The following ROBO1 variants were observed in gnomAD, a reference collection of about 807,000 sequenced individuals.
The protein encoded by ROBO1 is roundabout guidance receptor 1.
ROBO1 carries 149 observed loss-of-function variants against 195.9 expected under a neutral mutation model. The ratio of observed to expected loss-of-function variants is 0.76; its 90% CI spans 0.67 to 0.87. The LOEUF (loss-of-function observed/expected upper bound fraction) is 0.87. Ranked by LOEUF, ROBO1 falls within the 40% of genes least tolerant of loss-of-function variation. The probability of loss-of-function intolerance (pLI) is 0.00; values close to 1 mark genes in which losing one functional copy is unlikely to be tolerated. For synonymous variants in ROBO1, 816 were observed against 733.2 expected (o/e 1.11, Z -1.82); for missense variants, 1,933 against 2,068.3 (o/e 0.93, Z 1.27).
At chr3:78,917,521 T>C (rs2038683963) in intron 4 of ROBO1, among the ~76,000 whole-genome samples, 2 of 152,218 alleles carry the variant, frequency 1.3e-5, no homozygotes, top group Admixed American at 1.3e-4. Context: ...TAAATGTAAT[T>C]TGTTGAACAT....
chr3:79,505,370 A>C (rs985694670), intron 2 of ROBO1, among the ~76,000 whole-genome samples: 1 of 152,176 alleles, frequency 6.6e-6, no homozygotes, highest in Non-Finnish European at 1.5e-5. Context: ...TAAATTGCCA[A>C]ATTGCGACAA....
chr3:78,678,360 C>T (rs974480374), intron 10 of ROBO1, among the ~76,000 whole-genome samples: 22 of 151,886 alleles, frequency 1.4e-4, no homozygotes, highest in African/African-American at 4.8e-4. Context: ...CACAAAAAAC[C>T]CTTCAAAAAA....
At chr3:78,852,386 AGT>A (rs769802283) in intron 4 of ROBO1, among the ~76,000 whole-genome samples, 3 of 152,302 alleles carry the variant, frequency 2.0e-5, no homozygotes, top group Admixed American at 1.3e-4. Flanking sequence ...TCTGTAGTGT[AGT>A]GTGTTATAAC....
chr3:79,299,801 G>A (rs1256852512), intron 2 of ROBO1, among the ~76,000 whole-genome samples: 1 of 149,332 alleles, frequency 6.7e-6, no homozygotes. Flanking sequence ...AATTAACCAA[G>A]GAATGAAAAT....
intron 1 of ROBO1, among the ~76,000 whole-genome samples, chr3:79,689,409 T>A (rs1207987661): frequency 6.6e-6 from 1 of 152,024 alleles, no homozygotes; most frequent in African/African-American, 2.4e-5. Context: ...ATTGGGTATA[T>A]CTTTATTCCT....
intron 5 of ROBO1, among the ~76,000 whole-genome samples, chr3:78,732,511 C>T (rs756907532): frequency 7.2e-5 from 11 of 152,106 alleles, no homozygotes; most frequent in Non-Finnish European, 7.4e-5. Context: ...AAGAAGAATG[C>T]CTCTTCTCTT....
intron 3 of ROBO1, among the ~76,000 whole-genome samples, chr3:79,049,904 A>G (rs985831216): frequency 5.9e-5 from 9 of 152,294 alleles, no homozygotes; most frequent in African/African-American, 1.9e-4. Context: ...AACACTAAAC[A>G]TGAAAAGGAA....
chr3:79,377,896 A>G (rs2109359252), intron 2 of ROBO1, among the ~76,000 whole-genome samples: 1 of 152,310 alleles, frequency 6.6e-6, no homozygotes, highest in South Asian at 2.1e-4. Flanking sequence ...CAAATTGTAC[A>G]CAAAGGACTT....
intron 2 of ROBO1, among the ~76,000 whole-genome samples, chr3:79,478,072 C>T (rs771102603): frequency 6.6e-6 from 1 of 152,066 alleles, no homozygotes; most frequent in Non-Finnish European, 1.5e-5. Context: ...ACAGAGAATA[C>T]TTATAATAAC....
intron 18 of ROBO1, among the ~76,000 whole-genome samples, chr3:78,656,159 A>G (rs1348718452): frequency 6.6e-6 from 1 of 151,940 alleles, no homozygotes. Context: ...TTGAGGCACA[A>G]ATTGTGTTTA....
chr3:79,105,356 G>A (rs895849342), intron 3 of ROBO1, among the ~76,000 whole-genome samples: 2 of 151,590 alleles, frequency 1.3e-5, no homozygotes, highest in African/African-American at 4.8e-5. Context: ...TGCATTCAAA[G>A]GGAAACTGCA....
intron 4 of ROBO1, among the ~76,000 whole-genome samples, chr3:78,785,155 A>G (rs2083794126): frequency 6.6e-6 from 1 of 152,230 alleles, no homozygotes; most frequent in African/African-American, 2.4e-5. Context: ...AACGATATAA[A>G]GTCTAAGATT....
At chr3:78,832,706 G>A (rs550588416) in intron 4 of ROBO1, among the ~76,000 whole-genome samples, 2 of 152,242 alleles carry the variant, frequency 1.3e-5, no homozygotes, top group Non-Finnish European at 2.9e-5. Flanking sequence ...GATATCTAAC[G>A]AGGTTAGGCA....
intron 2 of ROBO1, among the ~76,000 whole-genome samples, chr3:79,579,547 C>T (rs949203585): frequency 1.1e-4 from 16 of 152,156 alleles, no homozygotes; most frequent in African/African-American, 3.4e-4. Flanking sequence ...GAGATTGGTC[C>T]GACTAATGTA....
At chr3:79,219,679 A>G (rs540818981) in intron 2 of ROBO1, among the ~76,000 whole-genome samples, 4 of 152,176 alleles carry the variant, frequency 2.6e-5, no homozygotes, top group African/African-American at 9.6e-5. Flanking sequence ...TAGTAATTGC[A>G]TGATGATCTG....
At chr3:78,775,485 A>G (rs895639944) in intron 4 of ROBO1, among the ~76,000 whole-genome samples, 13 of 152,236 alleles carry the variant, frequency 8.5e-5, no homozygotes, top group African/African-American at 3.1e-4. Flanking sequence ...AGCATGCACT[A>G]AAGGATTGCA....
rs529609131 is a variant in ROBO1, at chr3:79,385,891, T to C, written c.88+203933A>G. 7.9e-5 allele frequency among the ~76,000 whole-genome samples: 12 copies of C among 152,296 alleles called. No individual in the cohort carries two copies. The South Asian group carries it at 2.5e-3, about 32-fold the overall frequency. Reference sequence around the variant, plus strand: ...AAAAAGTCAACTTTTATACTGTAGATTTACAAAGAACAATCTAAATGCTCT... The same window carrying C: ...AAAAAGTCAACTTTTATACTGTAGACTTACAAAGAACAATCTAAATGCTCT... On this transcript the variant is annotated intron_variant, in intron 2 of 30. Transcript: ENST00000464233.
chr3:79,490,275 G>A (rs1236991814), intron 2 of ROBO1, among the ~76,000 whole-genome samples: 1 of 152,084 alleles, frequency 6.6e-6, no homozygotes, highest in African/African-American at 2.4e-5. Flanking sequence ...TATACTCTGG[G>A]CTTCAGTCAA....
At chr3:78,913,727 T>G (rs2038392329) in intron 4 of ROBO1, among the ~76,000 whole-genome samples, 1 of 152,118 alleles carries the variant, frequency 6.6e-6, no homozygotes, top group South Asian at 2.1e-4. Flanking sequence ...GATTAAACTT[T>G]GAAATAAAAA....
Sources: gnomAD v4.1 joint callset for allele counts (sites outside exome capture counted in the v4.1 genomes callset) on GRCh38, gnomAD v4.1.1 for gene constraint, MANE v1.5 for transcripts, NCBI Gene and HGNC (gene_info 2026-07-23, HGNC 2026-07-21) for gene names.